The following FIG4 variants were observed in gnomAD, a reference collection of about 807,000 sequenced individuals.
FIG4 encodes the protein FIG4 phosphoinositide 5-phosphatase, also known as polyphosphoinositide phosphatase.
FIG4 carries 112 observed loss-of-function variants against 118.6 expected under a neutral mutation model. The ratio of observed to expected loss-of-function variants is 0.94; its 90% CI spans 0.81 to 1.11. FIG4 has a LOEUF of 1.11. Ranked by LOEUF, FIG4 falls within the 50% of genes least tolerant of loss-of-function variation. The pLI, the probability that FIG4 is intolerant of heterozygous loss-of-function variation, is 0.00. For missense variants in FIG4, 969 were observed against 1,111.7 expected (o/e 0.87, Z 1.83); for synonymous variants, 369 against 381.2 (o/e 0.97, Z 0.37).
chr6:109,801,128 C>T (rs1778416266), intron 22 of FIG4, among the ~76,000 whole-genome samples: 1 of 152,180 alleles, frequency 6.6e-6, no homozygotes, highest in African/African-American at 2.4e-5. Flanking sequence ...TTCACCTATT[C>T]TAGGAATATG....
intron 1 of FIG4, among the ~76,000 whole-genome samples, chr6:109,699,590 C>T (rs185713812): frequency 0.015 from 2,211 of 150,708 alleles, 58 homozygotes; most frequent in African/African-American, 0.051. Context: ...GCAGCCTCTG[C>T]CTCCTGGGTT....
intron 22 of FIG4, among the ~76,000 whole-genome samples, chr6:109,806,744 A>G (rs1431596266): frequency 6.6e-6 from 1 of 151,924 alleles, no homozygotes; most frequent in African/African-American, 2.4e-5. Flanking sequence ...CATCTACATT[A>G]GGTATTTCTC....
chr6:109,799,411 A>G (rs1447193045), intron 22 of FIG4, among the ~76,000 whole-genome samples: 2 of 152,216 alleles, frequency 1.3e-5, no homozygotes, highest in South Asian at 4.1e-4. Flanking sequence ...CTTTAAATTG[A>G]AACTGTAGTC....
chr6:109,823,432 C>T (rs910672346), intron 22 of FIG4, among the ~76,000 whole-genome samples: 9 of 152,146 alleles, frequency 5.9e-5, no homozygotes, highest in African/African-American at 2.2e-4. Context: ...AATGTAGTCT[C>T]CAGTCATCTC....
chr6:109,751,948 G>A lies in FIG4; in HGVS notation c.1137+8176G>A, dbSNP rs1336881195. Among the ~76,000 whole-genome samples the A allele has an allele frequency of 1.3e-4, 19 of 144,312 alleles. No homozygotes were observed. In the East Asian group the frequency reaches 2.7e-3, roughly 21 times the overall value. 94.7% of individuals were successfully genotyped at this position (144,312 alleles called of 152,430 possible). On this transcript the variant is annotated intron_variant, in intron 10 of 22. Transcript: ENST00000230124. ...GGTGTGCTGCACCCATTAACTCGTC[G>A]TTTAGCATTAGGTATATCTCCTAAT...
chr6:109,805,946 G>A (rs1304232821), intron 22 of FIG4, among the ~76,000 whole-genome samples: 3 of 151,996 alleles, frequency 2.0e-5, no homozygotes, highest in Non-Finnish European at 4.4e-5. Flanking sequence ...TAGGAAAATC[G>A]TTCTGATAAT....
At chr6:109,772,097 A>G (rs12210529) in intron 15 of FIG4, among the ~76,000 whole-genome samples, 3,475 of 152,268 alleles carry the variant, frequency 0.023, 57 homozygotes, top group Non-Finnish European at 0.038. Context: ...CAGGTTACCA[A>G]CAATTCCCAC....
At chr6:109,715,773 C>T (rs1269320820) in intron 2 of FIG4, among the ~76,000 whole-genome samples, 1 of 152,066 alleles carries the variant, frequency 6.6e-6, no homozygotes, top group Non-Finnish European at 1.5e-5. Flanking sequence ...TAACTGTTCA[C>T]ACAAAAGAAC....
intron 10 of FIG4, among the ~76,000 whole-genome samples, chr6:109,749,659 G>A (rs1016644342): frequency 5.4e-5 from 8 of 146,986 alleles, no homozygotes; most frequent in African/African-American, 1.7e-4. Flanking sequence ...TAGTGTGGTT[G>A]AAAAGCTGTC....
At chr6:109,818,364 C>A (rs1351817821) in intron 22 of FIG4, among the ~76,000 whole-genome samples, 1 of 152,052 alleles carries the variant, frequency 6.6e-6, no homozygotes, top group Non-Finnish European at 1.5e-5. Flanking sequence ...CCATGCCCGG[C>A]TAATTTTGTA....
rs766031746 is a variant in FIG4 at position 109,789,610 on chromosome 6, A to G, written c.2113A>G (p.Thr705Ala). The change falls in exon 19 of 23, where the codon ACC becomes GCC. Residue 705 changes from threonine (T) to alanine (A), a missense_variant. By Grantham distance (58) the Thr-to-Ala change is moderately conservative (BLOSUM62 0). Around this residue, in one of 3 missense-constraint regions of FIG4, gnomAD observed 330 missense variants for 348.1 expected, o/e 0.95. Coordinates refer to ENST00000230124, the MANE Select transcript of FIG4 (RefSeq NM_014845.6). ...TSSARDFMPK[T>A]VGIDPSPFTV... ...TTTCTTTAGTGACTTTATGCCTAAG[A>G]CCGTTGGAATTGATCCAAGTCCATT... 5.9e-5 allele frequency: 95 copies of G among 1,613,120 alleles called. No individual in the cohort carries two copies. Among genetic ancestry groups the G allele is most frequent in the Non-Finnish European group, 8.0e-5 (94 of 1,179,284 alleles).
At position 109,718,491 on chromosome 6, in the gene FIG4, A is replaced by G. The variant is rs573604568; in HGVS notation, c.289+1923A>G. Reference sequence around the variant, plus strand: ...TGACTGTATGTCTATGAAAACTTTGATTATATTCTGCCATCCTTGGAGTTT... The same window carrying G: ...TGACTGTATGTCTATGAAAACTTTGGTTATATTCTGCCATCCTTGGAGTTT... On this transcript the variant is annotated intron_variant, in intron 3 of 22. Coordinates refer to ENST00000230124, the MANE Select transcript of FIG4 (RefSeq NM_014845.6). Among the ~76,000 whole-genome samples, 3 of 152,244 alleles carry G rather than the reference A, an allele frequency of 2.0e-5. No individual in the cohort carries two copies. In the South Asian group the frequency reaches 6.2e-4, roughly 32 times the overall value.
intron 22 of FIG4, among the ~76,000 whole-genome samples, chr6:109,809,404 T>A (rs1000647306): frequency 2.6e-5 from 4 of 152,226 alleles, no homozygotes; most frequent in Non-Finnish European, 5.9e-5. Context: ...TTGGGTTTGT[T>A]ATTTTAATAA....
chr6:109,818,596 T>C (rs1024131638), intron 22 of FIG4, among the ~76,000 whole-genome samples: 1 of 152,198 alleles, frequency 6.6e-6, no homozygotes, highest in Admixed American at 6.5e-5. Flanking sequence ...TAAATTACCA[T>C]GTCATAGGTA....
chr6:109,822,470 T>A (rs1303560520), intron 22 of FIG4, among the ~76,000 whole-genome samples: 1 of 152,278 alleles, frequency 6.6e-6, no homozygotes, highest in East Asian at 1.9e-4. Context: ...TACATAATGG[T>A]ATTTCAACTG....
intron 10 of FIG4, among the ~76,000 whole-genome samples, chr6:109,749,095 G>GTGTGTGTA (rs1371062606): frequency 1.3e-5 from 2 of 149,236 alleles, no homozygotes; most frequent in Non-Finnish European, 3.0e-5. Flanking sequence ...GTGTGTGTGT[G>GTGTGTGTA]TGTGTGTGTT....
intron 22 of FIG4, among the ~76,000 whole-genome samples, chr6:109,801,225 A>T (rs1778418764): frequency 1.3e-5 from 2 of 152,202 alleles, no homozygotes; most frequent in Admixed American, 1.3e-4. Context: ...CTTCCAGCGC[A>T]GGATAAGCTG....
chr6:109,715,212 T>A (rs774272007), intron 2 of FIG4, 36 bp downstream of exon 2: 2 of 1,035,498 alleles, frequency 1.9e-6, no homozygotes, highest in Non-Finnish European at 3.1e-6. Context: ...AAAAAAACTT[T>A]CATACCTGTT....
chr6:109,821,701 A>G (rs1779009700), intron 22 of FIG4, among the ~76,000 whole-genome samples: 1 of 152,204 alleles, frequency 6.6e-6, no homozygotes, highest in African/African-American at 2.4e-5. Context: ...ACCACCAGCC[A>G]TAGTGTTACC....
Sources: allele counts gnomAD v4.1 joint callset (sites outside exome capture counted in the v4.1 genomes callset), GRCh38; gene constraint gnomAD v4.1.1; regional missense constraint gnomAD v4.1.1; transcripts MANE v1.5; gene names NCBI Gene and HGNC (gene_info 2026-07-23, HGNC 2026-07-21).